Variants in TIAM1 observed in about 807,000 individuals in gnomAD.
The protein encoded by TIAM1 is TIAM Rac1 associated GEF 1.
Under a neutral mutation model 163.5 loss-of-function variants are expected in TIAM1, and 65 were observed. The ratio of observed to expected loss-of-function variants is 0.40; its 90% CI spans 0.33 to 0.49. The LOEUF is 0.49. TIAM1 is among the 20% of genes least tolerant of loss of function. The probability of loss-of-function intolerance (pLI) is 0.77; values close to 1 mark genes in which losing one functional copy is unlikely to be tolerated. For missense variants in TIAM1, 1,789 were observed against 2,044.7 expected (o/e 0.87, Z 2.41); for synonymous variants, 833 against 810.1 (o/e 1.03, Z -0.48).
chr21:31,260,893 A>G (rs775129977), intron 4 of TIAM1, among the ~76,000 whole-genome samples: 32 of 152,154 alleles, frequency 2.1e-4, no homozygotes, highest in Non-Finnish European at 4.4e-4. Flanking sequence ...CCCTGTCTTT[A>G]TCTAAGGAAA....
intron 1 of TIAM1, among the ~76,000 whole-genome samples, chr21:31,554,680 C>T (rs1040878933): frequency 2.0e-5 from 3 of 152,154 alleles, no homozygotes; most frequent in Non-Finnish European, 2.9e-5. Context: ...GACAATTGAT[C>T]GGCTCTCAGA....
At chr21:31,479,139 TC>T (rs1287048416) in intron 1 of TIAM1, among the ~76,000 whole-genome samples, 1 of 152,206 alleles carries the variant, frequency 6.6e-6, no homozygotes, top group Non-Finnish European at 1.5e-5. Flanking sequence ...CAACTTAGAT[TC>T]CACATTGCTT....
At chr21:31,540,743 T>G (rs1479196455) in intron 1 of TIAM1, among the ~76,000 whole-genome samples, 1 of 152,244 alleles carries the variant, frequency 6.6e-6, no homozygotes, top group African/African-American at 2.4e-5. Flanking sequence ...TTTTTTGCTC[T>G]GAGGCGTAAG....
chr21:31,548,405 TGTTGGGATTACAGGC>T (rs1452179741), intron 1 of TIAM1, among the ~76,000 whole-genome samples: 3 of 151,388 alleles, frequency 2.0e-5, no homozygotes, highest in African/African-American at 7.3e-5. Context: ...CCTCTCAAAG[TGTTGGGATTACAGGC>T]GTGACCCACC....
intron 7 of TIAM1, 67 bp downstream of exon 7, chr21:31,225,659 A>C: frequency 7.5e-7 from 1 of 1,331,344 alleles, no homozygotes; most frequent in Non-Finnish European, 1.0e-6. Context: ...AAAACAGCAA[A>C]AAAAAAAAAA....
At chr21:31,270,559 C>G (rs1486885805) in intron 3 of TIAM1, among the ~76,000 whole-genome samples, 1 of 152,158 alleles carries the variant, frequency 6.6e-6, no homozygotes, top group Non-Finnish European at 1.5e-5. Context: ...AAGAACAACT[C>G]TCCATATTCA....
upstream of TIAM1, among the ~76,000 whole-genome samples, chr21:31,344,605 A>G (rs1434590791): frequency 1.3e-5 from 2 of 152,220 alleles, no homozygotes; most frequent in Non-Finnish European, 2.9e-5. Flanking sequence ...GCCCCCCACC[A>G]GCCCTTCAAG....
chr21:31,219,635 A>C (rs2087433022), intron 8 of TIAM1, among the ~76,000 whole-genome samples: 1 of 152,196 alleles, frequency 6.6e-6, no homozygotes, highest in Admixed American at 6.5e-5. Flanking sequence ...GCTTCTCTAC[A>C]AGGGTATTAG....
intron 6 of TIAM1, among the ~76,000 whole-genome samples, chr21:31,233,012 G>C (rs2088526711): frequency 6.6e-6 from 1 of 152,198 alleles, no homozygotes; most frequent in Non-Finnish European, 1.5e-5. Context: ...TGAGTGCAGA[G>C]ATAAGATGAA....
rs71920325 is a variant in TIAM1 at position 31,490,440 on chromosome 21, C to CATA, written c.-421-26408_-421-26406dup. ...CCAGCAGGACTGGACCTAGCCTTTACATAATAATAATAATAAATGCCTAGT... is the reference window on the plus strand; with the variant it reads ...CCAGCAGGACTGGACCTAGCCTTTACATAATAATAATAATAATAAATGCCTAGT... On this transcript the variant is annotated intron_variant, in intron 1 of 28. Transcript: ENST00000286827. 9.9e-5 allele frequency among the ~76,000 whole-genome samples: 15 copies of CATA among 151,806 alleles called. No homozygotes were observed. In the East Asian group the frequency reaches 2.5e-3, roughly 25 times the overall value.
At chr21:31,297,825 G>C (rs1377719014) in intron 2 of TIAM1, among the ~76,000 whole-genome samples, 1 of 152,174 alleles carries the variant, frequency 6.6e-6, no homozygotes, top group African/African-American at 2.4e-5. Context: ...AACTCAGAGG[G>C]CTATGAAGAG....
intron 11 of TIAM1, among the ~76,000 whole-genome samples, chr21:31,204,234 C>T (rs754693573): frequency 4.6e-5 from 7 of 151,816 alleles, no homozygotes; most frequent in South Asian, 2.1e-4. Context: ...CATCCTAAAG[C>T]GCTAATAGAT....
At chr21:31,251,388 C>T (rs945539987) in intron 5 of TIAM1, among the ~76,000 whole-genome samples, 3 of 152,070 alleles carry the variant, frequency 2.0e-5, no homozygotes, top group African/African-American at 4.8e-5. Flanking sequence ...GAGCTGGTGT[C>T]TTGCTATGTT....
intron 4 of TIAM1, among the ~76,000 whole-genome samples, chr21:31,255,431 A>G (rs1057396707): frequency 6.6e-5 from 10 of 152,176 alleles, no homozygotes; most frequent in African/African-American, 2.4e-4. Flanking sequence ...ACCCAGCCAG[A>G]GGTGCTACTC....
intron 2 of TIAM1, among the ~76,000 whole-genome samples, chr21:31,380,668 A>C (rs974975251): frequency 3.3e-5 from 5 of 152,196 alleles, no homozygotes; most frequent in African/African-American, 7.2e-5. Flanking sequence ...CTGTTTTTTA[A>C]AAAATCCATC....
intron 1 of TIAM1, among the ~76,000 whole-genome samples, chr21:31,555,183 GTTC>G (rs2048833632): frequency 7.7e-6 from 1 of 129,172 alleles, no homozygotes; most frequent in Non-Finnish European, 1.6e-5. Context: ...GAGAGAATTT[GTTC>G]TTTTTTTTTT....
intron 2 of TIAM1, among the ~76,000 whole-genome samples, chr21:31,421,729 C>A (rs1005494189): frequency 1.3e-5 from 2 of 152,134 alleles, no homozygotes; most frequent in Admixed American, 1.3e-4. Context: ...AGTGGCCACG[C>A]CTATAATCCC....
chr21:31,151,360 T>TC (rs1437166373), intron 19 of TIAM1, among the ~76,000 whole-genome samples: 4 of 152,232 alleles, frequency 2.6e-5, no homozygotes, highest in Admixed American at 6.5e-5. Context: ...GTCTATCCAT[T>TC]CAATGGAAGA....
chr21:31,381,430 G>A (rs1048421080), intron 2 of TIAM1, among the ~76,000 whole-genome samples: 1 of 152,152 alleles, frequency 6.6e-6, no homozygotes, highest in African/African-American at 2.4e-5. Flanking sequence ...CACTTTGGGA[G>A]GCCGTGGCAG....
Sources: allele counts gnomAD v4.1 joint callset (sites outside exome capture counted in the v4.1 genomes callset), GRCh38; gene constraint gnomAD v4.1.1; transcripts MANE v1.5; gene names NCBI Gene and HGNC (gene_info 2026-07-23, HGNC 2026-07-21).